Variants in CHRNB2 observed in about 807,000 individuals in gnomAD.
CHRNB2 encodes the protein cholinergic receptor nicotinic beta 2 subunit.
A neutral mutation model predicts 42.7 loss-of-function variants in CHRNB2; 33 were observed. The ratio of observed to expected loss-of-function variants is 0.77; its 90% confidence interval spans 0.59 to 1.03. The LOEUF is 1.03. Ranked by LOEUF, CHRNB2 falls within the 50% of genes least tolerant of loss-of-function variation. The pLI is 0.00. For synonymous variants in CHRNB2, 325 were observed against 292.9 expected (o/e 1.11, Z -1.12); for missense variants, 603 against 700.9 (o/e 0.86, Z 1.58).
Position 154,575,920 on chromosome 1 carries a change from C to T in CHRNB2, c.1497C>T (p.Pro499=), listed in dbSNP as rs768798015. ...TCCTCCACTCAGACCACTCAGCCCC[C>T]AGCTCCAAGTGAGGCCCTTCCTCAT... is the stretch of plus-strand genomic sequence containing the variant. The part of the protein sequence containing the change: ...TTFLHSDHSA[P]SSK Residue 499 remains proline (P), a synonymous_variant, in exon 6 of 6, where the codon CCC becomes CCT. Coordinates refer to ENST00000368476, the MANE Select transcript of CHRNB2 (RefSeq NM_000748.3). 2 of 1,614,214 alleles carry T rather than the reference C, an allele frequency of 1.2e-6. No homozygotes were observed. Among genetic ancestry groups the T allele is most frequent in the South Asian group, 2.2e-5 (2 of 91,088 alleles).
At position 154,567,994 on chromosome 1, in the gene CHRNB2, C is replaced by G. The variant is rs111862660; in HGVS notation, c.-51C>G. 3.5e-5 allele frequency: 52 copies of G among 1,480,564 alleles called. No individual in the cohort carries two copies. Among genetic ancestry groups the G allele is most frequent in the Admixed American group, 4.7e-5 (2 of 42,648 alleles). The allele number at this position is 1,480,564 out of a possible 1,614,324, so 91.7% of individuals were successfully genotyped here. A position where few individuals can be genotyped will look rare whatever the true frequency, so the allele number is the denominator to read the frequency against. On this transcript the variant is annotated 5_prime_UTR_variant, in exon 1 of 6. Transcript: ENST00000368476. ...AGCGCCCCACCCGCGGCCCTCCCCCCGGCGGCGCGCTCCAGCCGGTGTAGG... is the reference window on the plus strand; with the variant it reads ...AGCGCCCCACCCGCGGCCCTCCCCCGGGCGGCGCGCTCCAGCCGGTGTAGG...
rs78921047 is a variant in CHRNB2, at chr1:154,570,350, T to A, written c.348T>A (p.Asp116Glu). ...RLPSKHIWLP[D>E]VVLYNNADGM... Reference sequence around the variant, plus strand: ...CTTCCAAACACATCTGGCTCCCAGATGTGGTCCTGTACAACAAGTAGGTGC... The same window carrying A: ...CTTCCAAACACATCTGGCTCCCAGAAGTGGTCCTGTACAACAAGTAGGTGC... The change falls in exon 4 of 6, where the codon GAT (aspartate) becomes GAA (glutamate). Residue 116 changes from aspartate to glutamate, a missense_variant. Asp to Glu is a conservative substitution (Grantham distance 45, BLOSUM62 2). Coordinates refer to ENST00000368476, the MANE Select transcript of CHRNB2 (RefSeq NM_000748.3). 6.2e-7 allele frequency: 1 copy of A among 1,608,658 alleles called. No individual in the cohort carries two copies. Among genetic ancestry groups the A allele is most frequent in the Non-Finnish European group, 8.5e-7 (1 of 1,176,460 alleles).
chr1:154,574,890 G>T (rs1696242804), intron 5 of CHRNB2, among the ~76,000 whole-genome samples: 1 of 152,172 alleles, frequency 6.6e-6, no homozygotes, highest in South Asian at 2.1e-4. Context: ...AGCTGGCCTG[G>T]CTCCAGATAA....
At position 154,571,960 on chromosome 1, in the gene CHRNB2, C is replaced by T. The variant is rs1038602573; in HGVS notation, c.1137C>T (p.Arg379=). The change falls in exon 5 of 6, where the codon CGC becomes CGT. Residue 379 remains arginine, a synonymous_variant. Transcript: ENST00000368476. The surrounding 1 kb of genome is among the most constrained non-coding windows in gnomAD (Gnocchi z 6.8). ...AGGGCGCTGGAGCCCTCTTCTTCCG[C>T]GAAGCCCCAGGGGCCGACTCCTGCA... The part of the protein sequence containing the change: ...EREGAGALFF[R]EAPGADSCTC... 9 of 1,543,378 alleles carry T rather than the reference C, an allele frequency of 5.8e-6. No homozygotes were observed. The highest frequency in any genetic ancestry group is 7.8e-6 in the Non-Finnish European group (9 of 1,149,564).
chr1:154,572,518 C>T (rs1012800096), intron 5 of CHRNB2, among the ~76,000 whole-genome samples: 2 of 152,114 alleles, frequency 1.3e-5, no homozygotes, highest in Admixed American at 6.5e-5. Context: ...CCGAGAGTCC[C>T]TCCCCACCCC....
At chr1:154,574,518 T>C (rs1307830594) in intron 5 of CHRNB2, among the ~76,000 whole-genome samples, 3 of 151,772 alleles carry the variant, frequency 2.0e-5, no homozygotes, top group Middle Eastern at 3.2e-3. Context: ...TGAATGTCCC[T>C]CCGTGTGGGT....
intron 5 of CHRNB2, among the ~76,000 whole-genome samples, chr1:154,574,233 G>C (rs777685228): frequency 5.3e-5 from 8 of 152,164 alleles, no homozygotes; most frequent in Admixed American, 1.3e-4. Flanking sequence ...AATTCAGTGT[G>C]TCTCTCCTAA....
At position 154,575,847 on chromosome 1, in the gene CHRNB2, T is replaced by G; in HGVS notation, c.1424T>G (p.Ile475Ser). 1 of 1,614,168 alleles carries G rather than the reference T, an allele frequency of 6.2e-7. No individual in the cohort carries two copies. The highest frequency in any genetic ancestry group is 8.5e-7 in the Non-Finnish European group (1 of 1,180,030). ...GTCTTTGTCTGTGTCTTTGGCACCA[T>G]CGGCATGTTCCTGCAGCCTCTCTTC... ...IFVFVCVFGT[I>S]GMFLQPLFQN... The change falls in exon 6 of 6, where the codon ATC becomes AGC. Residue 475 changes from isoleucine (I) to serine (S), a missense_variant. Coordinates refer to ENST00000368476, the MANE Select transcript of CHRNB2 (RefSeq NM_000748.3).
At chr1:154,569,200 A>C (rs1225534245) in intron 1 of CHRNB2, among the ~76,000 whole-genome samples, 3 of 151,946 alleles carry the variant, frequency 2.0e-5, no homozygotes, top group Non-Finnish European at 2.9e-5. Flanking sequence ...GGTCTCCATG[A>C]ATCCTTGCAG....
At chr1:154,570,649 A>G (rs546484659) in intron 4 of CHRNB2, among the ~76,000 whole-genome samples, 2 of 152,264 alleles carry the variant, frequency 1.3e-5, no homozygotes, top group Middle Eastern at 3.4e-3. Flanking sequence ...CAGCGCCTCA[A>G]CTGATTCAGG....
Position 154,572,108 on chromosome 1 carries a change from G to A in CHRNB2, c.1285G>A (p.Asp429Asn). The change falls in exon 5 of 6, where the codon GAC (aspartate) becomes AAC (asparagine). Residue 429 changes from aspartate to asparagine, a missense_variant. Around this residue, in one of 2 missense-constraint regions of CHRNB2, gnomAD observed 270 missense variants for 248.3 expected, o/e 1.09. Transcript: ENST00000368476. Reference protein sequence around the residue: ...PCGCGLREAVDGVRFIADHMR... With the variant: ...PCGCGLREAVNGVRFIADHMR... ...TGGCTGTGGCCTCCGGGAGGCGGTG[G>A]ACGGCGTGCGCTTCATCGCAGACCA... 6.5e-7 allele frequency: 1 copy of A among 1,537,108 alleles called. No homozygotes were observed.
chr1:154,574,504 C>T (rs576159370), intron 5 of CHRNB2, among the ~76,000 whole-genome samples: 7 of 152,228 alleles, frequency 4.6e-5, no homozygotes, highest in African/African-American at 1.2e-4. Context: ...GGGACCAGGC[C>T]GGCTGAATGT....
In CHRNB2 at chr1:154,571,348, G is replaced by A. The variant is rs775471305; in HGVS notation, c.525G>A (p.Ser175=). ...DQQNCTMKFR[S]WTYDRTEIDL... The stretch of plus-strand genomic sequence containing the variant: ...AGAACTGCACCATGAAGTTCCGTTC[G>A]TGGACCTACGACCGCACAGAGATCG... Residue 175 remains serine (S), a synonymous_variant, in exon 5 of 6, where the codon TCG becomes TCA. Coordinates refer to ENST00000368476, the MANE Select transcript of CHRNB2 (RefSeq NM_000748.3). This position sits in a 1 kb window ranked among gnomAD's most constrained non-coding sequence, Gnocchi z 6.8. 5.6e-6 allele frequency: 9 copies of A among 1,614,080 alleles called. No individual in the cohort carries two copies. In the South Asian group the frequency reaches 8.8e-5, roughly 16 times the overall value.
chr1:154,577,362 A>G lies in CHRNB2; in HGVS notation c.*1430A>G, dbSNP rs202116035. On this transcript the variant is annotated 3_prime_UTR_variant, in exon 6 of 6. Transcript: ENST00000368476. ...GGACTCCTGCTTCTCTAGGCAGGGC[A>G]GAGGGAGGAGACACAGCACAGGCAC... The G allele has an allele frequency of 6.6e-6, 1 of 152,318 alleles. No homozygotes were observed. The highest frequency in any genetic ancestry group is 1.5e-5 in the Non-Finnish European group (1 of 68,126). 9.4% of individuals were successfully genotyped at this position (152,318 alleles called of 1,614,324 possible). A position where few individuals can be genotyped will look rare whatever the true frequency, so the allele number is the denominator to read the frequency against.
Position 154,571,854 on chromosome 1 carries a change from C to T in CHRNB2, c.1031C>T (p.Pro344Leu). Residue 344 changes from proline to leucine, a missense_variant, in exon 5 of 6, where the codon CCC becomes CTC. By Grantham distance (98) the Pro-to-Leu change is moderately conservative. Coordinates refer to ENST00000368476, the MANE Select transcript of CHRNB2 (RefSeq NM_000748.3). This position sits in a 1 kb window ranked among gnomAD's most constrained non-coding sequence, Gnocchi z 6.8. ...AAGGTCGTCTTCCTGGAGAAGCTGC[C>T]CGCGCTGCTCTTCATGCAGCAGCCA... ...WVKVVFLEKL[P>L]ALLFMQQPRH... 1 of 1,609,258 alleles carries T rather than the reference C, an allele frequency of 6.2e-7. No individual in the cohort carries two copies.
At position 154,576,045 on chromosome 1, in the gene CHRNB2, C is replaced by A; in HGVS notation, c.*113C>A. The A allele has an allele frequency of 1.5e-6, 2 of 1,374,340 alleles. No homozygotes were observed. Among genetic ancestry groups the A allele is most frequent in the Non-Finnish European group, 2.1e-6 (2 of 974,666 alleles). The allele number at this position is 1,374,340 out of a possible 1,614,324, so 85.1% of individuals were successfully genotyped here. A position where few individuals can be genotyped will look rare whatever the true frequency, so the allele number is the denominator to read the frequency against. ...GAAGAGGGGCGCTGCCCCCACAGAT[C>A]CATCCTTTTGCTTCATCTGGAGTCC... On this transcript the variant is annotated 3_prime_UTR_variant, in exon 6 of 6. Coordinates refer to ENST00000368476, the MANE Select transcript of CHRNB2 (RefSeq NM_000748.3).
At chr1:154,569,041 G>T (rs1360139859) in intron 1 of CHRNB2, among the ~76,000 whole-genome samples, 3 of 151,666 alleles carry the variant, frequency 2.0e-5, no homozygotes, top group African/African-American at 7.3e-5. Flanking sequence ...GCAGGAGAAA[G>T]GATGTGTGTG....
In CHRNB2 at chr1:154,578,167, A is replaced by G. The variant is rs1696317546; in HGVS notation, c.*2235A>G. 1 of 152,348 alleles carries G rather than the reference A, an allele frequency of 6.6e-6. No homozygotes were observed. Among genetic ancestry groups the G allele is most frequent in the Non-Finnish European group, 1.5e-5 (1 of 68,152 alleles). 9.4% of individuals were successfully genotyped at this position (152,348 alleles called of 1,614,324 possible). On this transcript the variant is annotated 3_prime_UTR_variant, in exon 6 of 6. Transcript: ENST00000368476. ...TTGGAACCAGAAACAGCAACAGGAA[A>G]GGAGCCTCCCTCTGAAGGGTAGGAT...
rs1400439188 is a variant in CHRNB2, at chr1:154,577,546, GA to G, written c.*1615del. 3 of 152,250 alleles carry G rather than the reference GA, an allele frequency of 2.0e-5. No homozygotes were observed. The highest frequency in any genetic ancestry group is 4.8e-5 in the African/African-American group (2 of 41,450). The allele number at this position is 152,250 out of a possible 1,614,324, so 9.4% of individuals were successfully genotyped here. A position where few individuals can be genotyped will look rare whatever the true frequency, so the allele number is the denominator to read the frequency against. ...GCCCTCTTCCTGAGGTTGCTGGGAG[GA>G]TAAGGCAGTGCTTGTGAAAAAGTCT... is the stretch of plus-strand genomic sequence containing the variant. On this transcript the variant is annotated 3_prime_UTR_variant, in exon 6 of 6. Coordinates refer to ENST00000368476, the MANE Select transcript of CHRNB2 (RefSeq NM_000748.3).
Sources: allele counts gnomAD v4.1 joint callset (sites outside exome capture counted in the v4.1 genomes callset), GRCh38; gene constraint gnomAD v4.1.1; regional missense constraint gnomAD v4.1.1; non-coding constraint Gnocchi (gnomAD v3.1); transcripts MANE v1.5; gene names NCBI Gene and HGNC (gene_info 2026-07-23, HGNC 2026-07-21).